Variants in NT5M observed in about 807,000 individuals in gnomAD.
NT5M encodes the protein 5'(3')-deoxyribonucleotidase, mitochondrial.
A neutral mutation model predicts 22.2 loss-of-function variants in NT5M; 22 were observed. The observed-to-expected ratio is 0.99, with a 90% CI of 0.71 to 1.41. The LOEUF is 1.41. NT5M is among the 40% of genes most tolerant of loss of function. The pLI, the probability that NT5M is intolerant of heterozygous loss-of-function variation, is 0.00. For missense variants in NT5M, 322 were observed against 314.8 expected (o/e 1.02, Z -0.17); for synonymous variants, 167 against 133.0 (o/e 1.26, Z -1.76).
intron 3 of NT5M, among the ~76,000 whole-genome samples, chr17:17,334,023 C>A (rs533059735): frequency 3.3e-5 from 5 of 151,892 alleles, no homozygotes; most frequent in African/African-American, 1.2e-4. Flanking sequence ...TTAGTAGAGA[C>A]GGGGTTTCAT....
At position 17,341,972 on chromosome 17, in the gene NT5M, A is replaced by G. The variant is rs886411043; in HGVS notation, c.430-2822A>G. 9.9e-5 allele frequency among the ~76,000 whole-genome samples: 15 copies of G among 152,120 alleles called. 1 individual carries two copies. Among genetic ancestry groups the G allele is most frequent in the Non-Finnish European group, 2.1e-4 (14 of 68,018 alleles). The stretch of plus-strand genomic sequence containing the variant: ...CTTGAACCTGGGAGGTGGAGGTTGC[A>G]GTGAGCCGAGATCGTGCCATTGCAC... On this transcript the variant is annotated intron_variant, in intron 3 of 4. Coordinates refer to ENST00000389022, the MANE Select transcript of NT5M (RefSeq NM_020201.4).
intron 2 of NT5M, among the ~76,000 whole-genome samples, chr17:17,307,921 G>A (rs924843587): frequency 8.6e-5 from 13 of 151,810 alleles, no homozygotes; most frequent in African/African-American, 3.1e-4. Flanking sequence ...GTGGTGGTGG[G>A]CGCCTGTAAT....
intron 2 of NT5M, among the ~76,000 whole-genome samples, chr17:17,316,468 C>T (rs1048219123): frequency 5.3e-5 from 8 of 151,924 alleles, no homozygotes; most frequent in African/African-American, 1.5e-4. Flanking sequence ...CTTTGCCTCC[C>T]GGGTTCAAGT....
chr17:17,303,479 A>G lies in NT5M; in HGVS notation c.-72A>G, dbSNP rs2048723451. The G allele has an allele frequency of 3.9e-6, 4 of 1,014,806 alleles. No individual in the cohort carries two copies. In the South Asian group the frequency reaches 1.8e-4, roughly 46 times the overall value. 62.9% of individuals were successfully genotyped at this position (1,014,806 alleles called of 1,614,324 possible). ...TTGGGGGCTTCTCCTCCGCGGCGGG[A>G]ATGTCTGGCCGGCTCCGGCAGCACG... is the stretch of plus-strand genomic sequence containing the variant. On this transcript the variant is annotated 5_prime_UTR_variant, in exon 1 of 5. Transcript: ENST00000389022.
intron 3 of NT5M, among the ~76,000 whole-genome samples, chr17:17,340,398 CA>C (rs1949888965): frequency 6.6e-6 from 1 of 151,984 alleles, no homozygotes; most frequent in Non-Finnish European, 1.5e-5. Context: ...AAAGGTTTGT[CA>C]TTTTGTTTAC....
intron 3 of NT5M, among the ~76,000 whole-genome samples, chr17:17,328,286 G>A (rs142571097): frequency 1.6e-3 from 250 of 152,238 alleles, no homozygotes; most frequent in Admixed American, 4.0e-3. Flanking sequence ...GATTGGGAGC[G>A]GGGTTGGGCC....
At chr17:17,323,655 T>C (rs2049203014) in intron 3 of NT5M, among the ~76,000 whole-genome samples, 1 of 152,212 alleles carries the variant, frequency 6.6e-6, no homozygotes, top group Non-Finnish European at 1.5e-5. Context: ...TTCTGGAAAT[T>C]GGGAACTTGC....
chr17:17,325,236 A>G (rs2049241101), intron 3 of NT5M, among the ~76,000 whole-genome samples: 1 of 152,136 alleles, frequency 6.6e-6, no homozygotes, highest in African/African-American at 2.4e-5. Context: ...ACATGGCCTC[A>G]TTCATCCGTT....
intron 2 of NT5M, among the ~76,000 whole-genome samples, chr17:17,322,793 G>A (rs1018806687): frequency 2.0e-5 from 3 of 152,144 alleles, no homozygotes; most frequent in African/African-American, 7.3e-5. Flanking sequence ...CCAAGGCCAA[G>A]CCTGTGTTTC....
intron 3 of NT5M, among the ~76,000 whole-genome samples, chr17:17,331,926 G>A (rs552827029): frequency 2.0e-4 from 31 of 151,230 alleles, no homozygotes; most frequent in African/African-American, 6.1e-4. Flanking sequence ...GACTACAGGC[G>A]CCCACCACCA....
At chr17:17,307,779 C>G (rs893518220) in intron 2 of NT5M, among the ~76,000 whole-genome samples, 1 of 152,064 alleles carries the variant, frequency 6.6e-6, no homozygotes, top group Non-Finnish European at 1.5e-5. Context: ...TTGTTTGAAC[C>G]CAGGAGGCGG....
intron 3 of NT5M, among the ~76,000 whole-genome samples, chr17:17,335,626 T>A (rs1228644286): frequency 1.3e-5 from 2 of 152,028 alleles, no homozygotes; most frequent in Non-Finnish European, 2.9e-5. Flanking sequence ...TCTTAGTTGT[T>A]TTAAAATGAA....
intron 2 of NT5M, among the ~76,000 whole-genome samples, chr17:17,319,100 G>C (rs1275004687): frequency 6.6e-6 from 1 of 151,724 alleles, no homozygotes; most frequent in East Asian, 1.9e-4. Flanking sequence ...AATCCCAGCT[G>C]CTTGCGGGGA....
At chr17:17,319,735 CAGCTGGGAGAGAT>C (rs781012718) in intron 2 of NT5M, among the ~76,000 whole-genome samples, 84 of 25,488 alleles carry the variant, frequency 3.3e-3, no homozygotes, top group African/African-American at 5.7e-3. Flanking sequence ...ACGGGAGGGA[CAGCTGGGAGAGAT>C]AACAAAGGAG....
rs1409921570 is a variant in NT5M at position 17,327,905 on chromosome 17, G to A, written c.429+4660G>A. Among the ~76,000 whole-genome samples the A allele has an allele frequency of 8.2e-5, 3 of 36,668 alleles. 1 individual carries two copies. Among genetic ancestry groups the A allele is most frequent in the Non-Finnish European group, 1.9e-4 (3 of 15,556 alleles). 24.1% of individuals were successfully genotyped at this position (36,668 alleles called of 152,430 possible). On this transcript the variant is annotated intron_variant, in intron 3 of 4. Transcript: ENST00000389022. ...AGCCTCAAAGTAGTCTGCCCATCTC[G>A]GTCTCCCGAAGTGCTGGGATTACAG...
At chr17:17,315,514 A>G (rs192354419) in intron 2 of NT5M, among the ~76,000 whole-genome samples, 75 of 152,302 alleles carry the variant, frequency 4.9e-4, no homozygotes, top group African/African-American at 1.8e-3. Flanking sequence ...GGAGCTGAGA[A>G]TTGACATCAG....
intron 2 of NT5M, among the ~76,000 whole-genome samples, chr17:17,319,072 G>A (rs546381207): frequency 6.3e-4 from 96 of 152,092 alleles, no homozygotes; most frequent in African/African-American, 2.1e-3. Flanking sequence ...TTAGCTGAGC[G>A]TGTTGGTGGG....
chr17:17,326,554 C>A (rs1271741261), intron 3 of NT5M, among the ~76,000 whole-genome samples: 1 of 152,194 alleles, frequency 6.6e-6, no homozygotes, highest in African/African-American at 2.4e-5. Context: ...GCCGTAGGGG[C>A]AGAGCCCGCA....
At position 17,303,376 on chromosome 17, in the gene NT5M, C is replaced by T. The variant is rs964738650; in HGVS notation, c.-175C>T. On this transcript the variant is annotated 5_prime_UTR_variant, in exon 1 of 5. Transcript: ENST00000389022. ...GGACCGCGCGCGCCGCGGCCTCGCT[C>T]TGGGGCCGGTACTTGCGCGCCCGCA... 31 of 766,044 alleles carry T rather than the reference C, an allele frequency of 4.0e-5. No homozygotes were observed. In the African/African-American group the frequency reaches 5.1e-4, roughly 13 times the overall value. The allele number at this position is 766,044 out of a possible 1,614,324, so 47.5% of individuals were successfully genotyped here. A position where few individuals can be genotyped will look rare whatever the true frequency, so the allele number is the denominator to read the frequency against.
Sources: allele counts gnomAD v4.1 joint callset (sites outside exome capture counted in the v4.1 genomes callset), GRCh38; gene constraint gnomAD v4.1.1; transcripts MANE v1.5; gene names NCBI Gene and HGNC (gene_info 2026-07-23, HGNC 2026-07-21).